Variants in GPC5 observed in about 807,000 individuals in gnomAD.
The protein encoded by GPC5 is glypican 5, also known as glypican-5.
In GPC5, 47 loss-of-function variants were observed where a neutral mutation model predicts 53.9. That is an observed-to-expected ratio of 0.87 (90% CI 0.69 to 1.11). GPC5 has a LOEUF of 1.11. Ranked by LOEUF, GPC5 falls within the 50% of genes most tolerant of loss-of-function variation. GPC5 has a pLI of 0.00. For synonymous variants in GPC5, 286 were observed against 263.3 expected, an observed-to-expected ratio of 1.09 and a Z score of -0.84; for missense variants, 748 against 713.1, an observed-to-expected ratio of 1.05 and a Z score of -0.56.
chr13:92,443,700 C>A (rs1411352637), intron 7 of GPC5, among the ~76,000 whole-genome samples: 6 of 152,232 alleles, frequency 3.9e-5, no homozygotes, highest in Admixed American at 2.0e-4. Context: ...TGACTGACTG[C>A]ATGCATAGCA....
intron 7 of GPC5, among the ~76,000 whole-genome samples, chr13:92,288,471 A>G (rs7997537): frequency 6.6e-6 from 1 of 152,140 alleles, no homozygotes; most frequent in African/African-American, 2.4e-5. Context: ...TTTCATAAGG[A>G]CTGTATTCAT....
chr13:91,971,004 T>C (rs915445210), intron 6 of GPC5, among the ~76,000 whole-genome samples: 1 of 152,236 alleles, frequency 6.6e-6, no homozygotes, highest in Non-Finnish European at 1.5e-5. Context: ...AAGGATTCCC[T>C]CTTTTGCTAT....
chr13:92,476,133 C>T (rs1210056850), intron 7 of GPC5, among the ~76,000 whole-genome samples: 1 of 152,060 alleles, frequency 6.6e-6, no homozygotes, highest in Non-Finnish European at 1.5e-5. Flanking sequence ...AAAATTTTTG[C>T]AACCTACTCA....
At chr13:91,657,549 T>G (rs2034877091) in intron 2 of GPC5, among the ~76,000 whole-genome samples, 1 of 151,902 alleles carries the variant, frequency 6.6e-6, no homozygotes, top group African/African-American at 2.4e-5. Context: ...ACGACAGCCC[T>G]CACAACAAAA....
At chr13:92,489,445 A>G (rs945404098) in intron 7 of GPC5, among the ~76,000 whole-genome samples, 1 of 152,164 alleles carries the variant, frequency 6.6e-6, no homozygotes, top group African/African-American at 2.4e-5. Context: ...ACACGTGGAG[A>G]AGAATTAGGC....
intron 7 of GPC5, among the ~76,000 whole-genome samples, chr13:92,634,600 C>T (rs969885915): frequency 2.0e-5 from 3 of 152,052 alleles, no homozygotes; most frequent in African/African-American, 7.2e-5. Flanking sequence ...AAATTTTGTA[C>T]ACTTTGAAAA....
intron 2 of GPC5, among the ~76,000 whole-genome samples, chr13:91,611,950 C>T (rs1481389734): frequency 6.6e-6 from 1 of 152,160 alleles, no homozygotes. Flanking sequence ...CCCACCTGAC[C>T]TCTTCTTCCG....
chr13:91,523,963 A>G (rs933972954), intron 2 of GPC5, among the ~76,000 whole-genome samples: 12 of 151,968 alleles, frequency 7.9e-5, no homozygotes, highest in African/African-American at 2.9e-4. Context: ...AATATATTAT[A>G]ATTTTAAAAA....
chr13:92,408,523 C>G (rs1222370702), intron 7 of GPC5, among the ~76,000 whole-genome samples: 2 of 151,844 alleles, frequency 1.3e-5, no homozygotes, highest in East Asian at 3.9e-4. Context: ...TGTATTCAAT[C>G]TATATTTGTG....
intron 7 of GPC5, among the ~76,000 whole-genome samples, chr13:92,538,294 CCCTTCTCTTT>C (rs1293127522): frequency 6.6e-6 from 1 of 151,310 alleles, no homozygotes; most frequent in African/African-American, 2.4e-5. Flanking sequence ...TTTCTTTCTT[CCCTTCTCTTT>C]CCTTCCTTTT....
intron 4 of GPC5, among the ~76,000 whole-genome samples, chr13:91,742,445 G>GA (rs1277670324): frequency 3.3e-5 from 5 of 152,180 alleles, no homozygotes; most frequent in African/African-American, 1.2e-4. Flanking sequence ...AGATGTTCAT[G>GA]AAAAAATTAA....
chr13:91,952,078 C>A (rs115753742), intron 6 of GPC5, among the ~76,000 whole-genome samples: 1 of 151,942 alleles, frequency 6.6e-6, no homozygotes, highest in Non-Finnish European at 1.5e-5. Flanking sequence ...AAAACAGTAA[C>A]GACTTTTGAA....
chr13:92,780,380 G>A (rs917364800), intron 7 of GPC5, among the ~76,000 whole-genome samples: 3 of 144,772 alleles, frequency 2.1e-5, no homozygotes, highest in African/African-American at 7.9e-5. Flanking sequence ...ATAATTAAGT[G>A]TAATTTATAT....
intron 6 of GPC5, among the ~76,000 whole-genome samples, chr13:92,079,899 G>A (rs971288313): frequency 1.3e-5 from 2 of 152,154 alleles, no homozygotes; most frequent in African/African-American, 4.8e-5. Flanking sequence ...CTTCCTTACA[G>A]AAAATGCTCT....
chr13:91,434,661 C>T (rs1235204741), intron 1 of GPC5, among the ~76,000 whole-genome samples: 8 of 152,040 alleles, frequency 5.3e-5, no homozygotes, highest in East Asian at 3.9e-4. Flanking sequence ...TTTCTTTTGG[C>T]GATGCGGGCT....
chr13:91,537,206 G>C (rs1019688290), intron 2 of GPC5, among the ~76,000 whole-genome samples: 29 of 151,882 alleles, frequency 1.9e-4, no homozygotes, highest in Non-Finnish European at 8.8e-5. Flanking sequence ...TAAAGGAAAC[G>C]AGTTAAACAG....
chr13:92,396,899 A>G (rs1875306117), intron 7 of GPC5, among the ~76,000 whole-genome samples: 1 of 152,180 alleles, frequency 6.6e-6, no homozygotes, highest in African/African-American at 2.4e-5. Flanking sequence ...TCCAGCTGAG[A>G]AAAGGCTCTA....
intron 7 of GPC5, among the ~76,000 whole-genome samples, chr13:92,799,208 A>C (rs928861458): frequency 1.1e-4 from 16 of 151,758 alleles, no homozygotes; most frequent in African/African-American, 3.9e-4. Context: ...GGTTAATTTC[A>C]CATACTCTGA....
At chr13:91,490,892 T>C (rs1478600367) in intron 2 of GPC5, among the ~76,000 whole-genome samples, 1 of 152,158 alleles carries the variant, frequency 6.6e-6, no homozygotes, top group Non-Finnish European at 1.5e-5. Flanking sequence ...GAAACCTAGA[T>C]ATGAATTTCC....
Sources: gnomAD v4.1 joint callset for allele counts (sites outside exome capture counted in the v4.1 genomes callset) on GRCh38, gnomAD v4.1.1 for gene constraint, MANE v1.5 for transcripts, NCBI Gene and HGNC (gene_info 2026-07-23, HGNC 2026-07-21) for gene names.